Variants in EPHB1 observed in about 807,000 individuals in gnomAD.
EPHB1 encodes the protein ephrin type-B receptor 1.
Under a neutral mutation model 94.4 loss-of-function variants are expected in EPHB1, and 30 were observed. The ratio of observed to expected loss-of-function variants is 0.32; its 90% CI spans 0.24 to 0.43. The LOEUF is 0.43. Ranked by LOEUF, EPHB1 falls within the 20% of genes least tolerant of loss-of-function variation. EPHB1 has a pLI of 1.00. For synonymous variants in EPHB1, 522 were observed against 489.1 expected (o/e 1.07, Z -0.89); for missense variants, 1,055 against 1,308.3 (o/e 0.81, Z 2.99).
At chr3:135,142,997 C>T (rs1465729533) in intron 5 of EPHB1, among the ~76,000 whole-genome samples, 2 of 152,086 alleles carry the variant, frequency 1.3e-5, no homozygotes, top group Non-Finnish European at 2.9e-5. Flanking sequence ...CACTTCCTGA[C>T]CCTGAGGTGT....
chr3:134,826,897 TGA>T (rs2036490190), intron 1 of EPHB1, among the ~76,000 whole-genome samples: 2 of 152,186 alleles, frequency 1.3e-5, no homozygotes, highest in Non-Finnish European at 2.9e-5. Context: ...CTCTCTTCTC[TGA>T]ACATCTGACG....
At chr3:135,025,055 A>C (rs115540915) in intron 3 of EPHB1, among the ~76,000 whole-genome samples, 3,037 of 150,914 alleles carry the variant, frequency 0.02, 46 homozygotes, top group Non-Finnish European at 0.03. Context: ...TTTTTTGTTA[A>C]ATGTAGCGTG....
intron 3 of EPHB1, among the ~76,000 whole-genome samples, chr3:135,066,245 C>T (rs1937579071): frequency 6.6e-6 from 1 of 152,200 alleles, no homozygotes; most frequent in Non-Finnish European, 1.5e-5. Flanking sequence ...ATGTCTAGGT[C>T]TCTAGCAAGG....
chr3:135,054,052 C>T (rs1437563314), intron 3 of EPHB1, among the ~76,000 whole-genome samples: 5 of 150,388 alleles, frequency 3.3e-5, no homozygotes, highest in African/African-American at 5.0e-5. Flanking sequence ...CACACACACA[C>T]ACACACACAC....
intron 1 of EPHB1, among the ~76,000 whole-genome samples, chr3:134,875,681 A>T (rs776710580): frequency 1.3e-4 from 20 of 152,190 alleles, no homozygotes; most frequent in Non-Finnish European, 1.9e-4. Flanking sequence ...AGCGGGCTGG[A>T]AACACCATAG....
At chr3:135,025,282 A>G (rs1253284700) in intron 3 of EPHB1, among the ~76,000 whole-genome samples, 1 of 133,298 alleles carries the variant, frequency 7.5e-6, no homozygotes, top group Non-Finnish European at 1.6e-5. Context: ...ACATACGTAT[A>G]CATGTGCCAT....
intron 3 of EPHB1, among the ~76,000 whole-genome samples, chr3:135,060,636 CT>C (rs893327971): frequency 5.9e-5 from 9 of 151,900 alleles, no homozygotes; most frequent in African/African-American, 2.2e-4. Flanking sequence ...CTTTTTAAAA[CT>C]TTTTTATTTT....
At chr3:135,006,108 T>C (rs1048091540) in intron 3 of EPHB1, among the ~76,000 whole-genome samples, 1 of 152,194 alleles carries the variant, frequency 6.6e-6, no homozygotes, top group African/African-American at 2.4e-5. Flanking sequence ...TCCTGAGGCC[T>C]CCCCAGCCAT....
At chr3:134,847,185 AC>A (rs199671173) in intron 1 of EPHB1, among the ~76,000 whole-genome samples, 89 of 151,864 alleles carry the variant, frequency 5.9e-4, no homozygotes, top group African/African-American at 2.1e-3. Flanking sequence ...GAAAAAAAAA[AC>A]CACAAAGAGA....
intron 2 of EPHB1, among the ~76,000 whole-genome samples, chr3:134,926,628 T>C (rs1301648947): frequency 6.6e-6 from 1 of 152,068 alleles, no homozygotes; most frequent in Non-Finnish European, 1.5e-5. Context: ...GAAGAGAGCA[T>C]GGTGTGAATG....
intron 15 of EPHB1, among the ~76,000 whole-genome samples, chr3:135,257,130 C>G (rs1933432069): frequency 6.6e-6 from 1 of 150,648 alleles, no homozygotes; most frequent in Admixed American, 6.6e-5. Flanking sequence ...AAATTTTTTT[C>G]AAAGGTTTCA....
intron 15 of EPHB1, among the ~76,000 whole-genome samples, chr3:135,257,810 G>T (rs1042285633): frequency 2.6e-5 from 4 of 152,064 alleles, no homozygotes; most frequent in African/African-American, 9.7e-5. Context: ...CCCTCCCCCA[G>T]CCTGGCTGCT....
At chr3:135,220,274 C>A (rs1943245107) in intron 12 of EPHB1, among the ~76,000 whole-genome samples, 1 of 152,146 alleles carries the variant, frequency 6.6e-6, no homozygotes, top group Admixed American at 6.5e-5. Context: ...TGCGGATGCT[C>A]ACCCCGCAGG....
Position 135,106,516 on chromosome 3 carries a change from C to T in EPHB1, c.874C>T (p.Arg292Cys), listed in dbSNP as rs995446201. 1.2e-5 allele frequency: 20 copies of T among 1,613,886 alleles called. No homozygotes were observed. The highest frequency in any genetic ancestry group is 6.7e-5 in the East Asian group (3 of 44,880). ...EGCSHCPSNS[R>C]SPAEASPICT... ...CTGCTCCCACTGCCCCTCCAACAGC[C>T]GCTCCCCTGCAGAGGCGTCTCCCAT... is the stretch of plus-strand genomic sequence containing the variant. Residue 292 changes from arginine to cysteine, a missense_variant, in exon 4 of 16, where the codon CGC (arginine) becomes TGC (cysteine). Coordinates refer to ENST00000398015, the MANE Select transcript of EPHB1 (RefSeq NM_004441.5).
chr3:134,826,362 C>T (rs2036478720), intron 1 of EPHB1, among the ~76,000 whole-genome samples: 1 of 152,050 alleles, frequency 6.6e-6, no homozygotes, highest in Admixed American at 6.5e-5. Flanking sequence ...CTACACCAGT[C>T]CAGATGCATT....
At position 135,211,582 on chromosome 3, in the gene EPHB1, G is replaced by A. The variant is rs528235126; in HGVS notation, c.2346+9893G>A. The stretch of plus-strand genomic sequence containing the variant: ...GATATACACTTCTGGTTTATAGTTT[G>A]GGTTTTCTTTCATCACTTTAACATT... On this transcript the variant is annotated intron_variant, in intron 12 of 15. Coordinates refer to ENST00000398015, the MANE Select transcript of EPHB1 (RefSeq NM_004441.5). Among the ~76,000 whole-genome samples, 9 of 152,074 alleles carry A rather than the reference G, an allele frequency of 5.9e-5. No individual in the cohort carries two copies. In the South Asian group the frequency reaches 1.9e-3, roughly 32 times the overall value.
At chr3:134,908,888 C>T (rs758163763) in intron 1 of EPHB1, among the ~76,000 whole-genome samples, 59 of 151,980 alleles carry the variant, frequency 3.9e-4, no homozygotes, top group Non-Finnish European at 6.0e-4. Flanking sequence ...CTGTAGGATG[C>T]TCAGTGGAAT....
At chr3:135,145,332 A>T (rs777406656) in intron 5 of EPHB1, among the ~76,000 whole-genome samples, 15 of 152,198 alleles carry the variant, frequency 9.9e-5, no homozygotes, top group Admixed American at 4.6e-4. Context: ...AGTGTTTCAT[A>T]TATTTAAAAA....
intron 15 of EPHB1, among the ~76,000 whole-genome samples, chr3:135,258,074 G>C (rs966301293): frequency 1.5e-4 from 23 of 152,164 alleles, no homozygotes; most frequent in African/African-American, 5.3e-4. Flanking sequence ...GCTTCGGCTC[G>C]TGCACGCACC....
Sources: gnomAD v4.1 joint callset for allele counts (sites outside exome capture counted in the v4.1 genomes callset) on GRCh38, gnomAD v4.1.1 for gene constraint, MANE v1.5 for transcripts, NCBI Gene and HGNC (gene_info 2026-07-23, HGNC 2026-07-21) for gene names.